The following LDB2 variants were observed in gnomAD, a reference collection of about 807,000 sequenced individuals.
LDB2 encodes the protein LIM domain binding 2.
In LDB2, 12 loss-of-function variants were observed where a neutral mutation model predicts 44.3. The ratio of observed to expected loss-of-function variants is 0.27; its 90% CI spans 0.17 to 0.44. The LOEUF (loss-of-function observed/expected upper bound fraction) is 0.44. LDB2 is among the 20% of genes least tolerant of loss of function. LDB2 has a pLI of 1.00. For synonymous variants in LDB2, 164 were observed against 174.8 expected (o/e 0.94, Z 0.49); for missense variants, 344 against 473.5 (o/e 0.73, Z 2.54).
chr4:16,888,367 C>T (rs966072070), intron 1 of LDB2, among the ~76,000 whole-genome samples: 2 of 152,342 alleles, frequency 1.3e-5, no homozygotes, highest in Admixed American at 1.3e-4. Flanking sequence ...TGGTCTCATA[C>T]ATTGGTCAAC....
At chr4:16,874,140 T>C (rs1717645137) in intron 1 of LDB2, among the ~76,000 whole-genome samples, 1 of 151,858 alleles carries the variant, frequency 6.6e-6, no homozygotes, top group Admixed American at 6.6e-5. Context: ...CTACACAAAC[T>C]CCAAACCAAA....
chr4:16,670,605 A>G (rs1744481496), intron 2 of LDB2, among the ~76,000 whole-genome samples: 1 of 152,258 alleles, frequency 6.6e-6, no homozygotes, highest in Non-Finnish European at 1.5e-5. Flanking sequence ...ACAATAAAAC[A>G]TGACATAATG....
rs1188331750 is a variant in LDB2 at position 16,502,154 on chromosome 4, G to T, written c.*489C>A. On this transcript the variant is annotated 3_prime_UTR_variant, in exon 8 of 8. Transcript: ENST00000304523. Reference sequence around the variant, plus strand: ...TACATTTAAATTACTTTCCAAAGCTGATTTTTTTGTCTTTTCTTTTTTTAC... The same window carrying T: ...TACATTTAAATTACTTTCCAAAGCTTATTTTTTTGTCTTTTCTTTTTTTAC... 1 of 154,250 alleles carries T rather than the reference G, an allele frequency of 6.5e-6. No individual in the cohort carries two copies. The allele number at this position is 154,250 out of a possible 1,614,324, so 9.6% of individuals were successfully genotyped here. A position where few individuals can be genotyped will look rare whatever the true frequency, so the allele number is the denominator to read the frequency against.
intron 2 of LDB2, among the ~76,000 whole-genome samples, chr4:16,602,972 A>C (rs566433528): frequency 1.9e-4 from 29 of 152,312 alleles, no homozygotes; most frequent in Non-Finnish European, 2.6e-4. Context: ...TATAGGTCTC[A>C]AGTCATAGAA....
At chr4:16,632,976 G>A (rs1415182740) in intron 2 of LDB2, among the ~76,000 whole-genome samples, 1 of 152,096 alleles carries the variant, frequency 6.6e-6, no homozygotes, top group Admixed American at 6.6e-5. Flanking sequence ...TGCTATAAAG[G>A]CCCATGCACA....
chr4:16,791,279 G>A (rs1374883507), intron 1 of LDB2, among the ~76,000 whole-genome samples: 2 of 152,124 alleles, frequency 1.3e-5, no homozygotes, highest in Non-Finnish European at 1.5e-5. Flanking sequence ...AAAAACGGCT[G>A]GGCGGGGTGA....
At position 16,610,920 on chromosome 4, in the gene LDB2, C is replaced by T. The variant is rs138457695; in HGVS notation, c.236-15045G>A. 4.6e-3 allele frequency among the ~76,000 whole-genome samples: 704 copies of T among 152,256 alleles called. 13 individuals are homozygous for T. Among genetic ancestry groups the T allele is most frequent in the East Asian group, 0.044 (226 of 5,170 alleles). ...CCCCAAGACACATAATCATCAGATT[C>T]GCCAAGGTTGAAATGAAGAAAAAAC... On this transcript the variant is annotated intron_variant, in intron 2 of 7. Coordinates refer to ENST00000304523, the MANE Select transcript of LDB2 (RefSeq NM_001290.5).
Position 16,751,824 on chromosome 4 carries a change from G to A in LDB2, c.235+7334C>T, listed in dbSNP as rs555671957. Among the ~76,000 whole-genome samples, 297 of 152,244 alleles carry A rather than the reference G, an allele frequency of 2.0e-3. 2 individuals are homozygous for A. The highest frequency in any genetic ancestry group is 6.8e-3 in the Middle Eastern group (2 of 294). The stretch of plus-strand genomic sequence containing the variant: ...ATGAGTGCAGGAACAAATCAACTTC[G>A]AATGACAATCTGCTCTACTTCTAAC... On this transcript the variant is annotated intron_variant, in intron 2 of 7. Coordinates refer to ENST00000304523, the MANE Select transcript of LDB2 (RefSeq NM_001290.5).
intron 2 of LDB2, among the ~76,000 whole-genome samples, chr4:16,744,627 A>C (rs147596572): frequency 0.038 from 5,759 of 152,166 alleles, 351 homozygotes; most frequent in African/African-American, 0.13. Context: ...GGTGCCCGCC[A>C]CCATGCCCAG....
intron 2 of LDB2, among the ~76,000 whole-genome samples, chr4:16,747,275 C>T (rs1290850761): frequency 6.6e-6 from 1 of 152,006 alleles, no homozygotes; most frequent in Non-Finnish European, 1.5e-5. Flanking sequence ...TGATTTTGGG[C>T]CCATCTTTTA....
At chr4:16,707,895 C>T (rs989992438) in intron 2 of LDB2, among the ~76,000 whole-genome samples, 6 of 152,256 alleles carry the variant, frequency 3.9e-5, no homozygotes, top group East Asian at 1.9e-4. Flanking sequence ...GAGGCCCATG[C>T]GACTCACAGC....
chr4:16,566,648 CAT>C (rs1744629061), intron 5 of LDB2, among the ~76,000 whole-genome samples: 2 of 152,034 alleles, frequency 1.3e-5, no homozygotes, highest in Non-Finnish European at 2.9e-5. Context: ...AACCAGATGA[CAT>C]AGGGAAAATA....
At chr4:16,759,101 C>T (rs183010205) in intron 2 of LDB2, 57 bp downstream of exon 2, 82 of 1,129,132 alleles carry the variant, frequency 7.3e-5, no homozygotes, top group Middle Eastern at 3.9e-4. Flanking sequence ...AAGACCCCTG[C>T]GGTTTTCTTA....
intron 1 of LDB2, among the ~76,000 whole-genome samples, chr4:16,869,479 C>T (rs989182522): frequency 6.6e-6 from 1 of 152,070 alleles, no homozygotes; most frequent in Non-Finnish European, 1.5e-5. Flanking sequence ...TATATGAACA[C>T]TATGGAACAG....
Position 16,823,834 on chromosome 4 carries a change from A to G in LDB2, c.133-64574T>C, listed in dbSNP as rs555192083. On this transcript the variant is annotated intron_variant, in intron 1 of 7. Transcript: ENST00000304523. ...GAAAACTGAATTGTGCTTCTAGTGT[A>G]CAATCTTACCTAATTATGCCAGCTG... 5.3e-5 allele frequency among the ~76,000 whole-genome samples: 8 copies of G among 152,368 alleles called. No homozygotes were observed. The South Asian group carries it at 1.7e-3, about 32-fold the overall frequency.
chr4:16,520,776 A>G (rs1371414702), intron 5 of LDB2, among the ~76,000 whole-genome samples: 2 of 152,134 alleles, frequency 1.3e-5, no homozygotes, highest in Admixed American at 6.5e-5. Flanking sequence ...CCAGGGGAGA[A>G]GTGCTTGGAC....
At position 16,582,928 on chromosome 4, in the gene LDB2, C is replaced by T. The variant is rs539736999; in HGVS notation, c.615+2994G>A. On this transcript the variant is annotated intron_variant, in intron 5 of 7. Coordinates refer to ENST00000304523, the MANE Select transcript of LDB2 (RefSeq NM_001290.5). The surrounding 1 kb of genome is among the most constrained non-coding windows in gnomAD (Gnocchi z 4.8). ...AGGGAACAGCAGGTGATTTGATAAC[C>T]CAAATCAAATGACAATAGTTGTTCT... is the stretch of plus-strand genomic sequence containing the variant. Among the ~76,000 whole-genome samples the T allele has an allele frequency of 5.9e-5, 9 of 152,184 alleles. No individual in the cohort carries two copies. The South Asian group carries it at 1.7e-3, about 28-fold the overall frequency.
At chr4:16,841,325 A>C (rs535413347) in intron 1 of LDB2, among the ~76,000 whole-genome samples, 1 of 152,362 alleles carries the variant, frequency 6.6e-6, no homozygotes, top group Non-Finnish European at 1.5e-5. Flanking sequence ...ACAATATCCC[A>C]GAACAATCAA....
intron 1 of LDB2, among the ~76,000 whole-genome samples, chr4:16,809,402 G>A (rs188325857): frequency 1.3e-5 from 2 of 152,302 alleles, no homozygotes; most frequent in East Asian, 3.9e-4. Context: ...GGCTGTCCAG[G>A]ACTGAGGGTG....
Sources: gnomAD v4.1 joint callset for allele counts (sites outside exome capture counted in the v4.1 genomes callset) on GRCh38, gnomAD v4.1.1 for gene constraint, Gnocchi (gnomAD v3.1) non-coding constraint, MANE v1.5 for transcripts, NCBI Gene and HGNC (gene_info 2026-07-23, HGNC 2026-07-21) for gene names.